CFAP69: variants seen among roughly 807,000 people sequenced by gnomAD.
CFAP69 encodes the protein cilia- and flagella-associated protein 69.
In CFAP69, 92 loss-of-function variants were observed where a neutral mutation model predicts 123.0. The observed-to-expected ratio is 0.75, with a 90% CI of 0.63 to 0.89. The LOEUF is 0.89. CFAP69 is among the 40% of genes least tolerant of loss of function. CFAP69 has a pLI of 0.00. For missense variants in CFAP69, 1,067 were observed against 1,096.9 expected (o/e 0.97, Z 0.39); for synonymous variants, 380 against 364.3 (o/e 1.04, Z -0.49).
downstream of CFAP69, among the ~76,000 whole-genome samples, chr7:90,313,754 A>T (rs941084666): frequency 1.3e-5 from 2 of 152,246 alleles, no homozygotes; most frequent in Non-Finnish European, 2.9e-5. Context: ...AAGCCTCCAT[A>T]CAAAGAATTC....
intron 5 of CFAP69, chr7:90,266,081 A>G (rs1799124736): frequency 6.6e-6 from 1 of 152,144 alleles, no homozygotes; most frequent in Non-Finnish European, 1.5e-5. Flanking sequence ...AAGATACACA[A>G]TTGATCCAGT....
chr7:90,261,911 A>C, intron 3 of CFAP69, 36 bp from the exon 4 acceptor site: 1 of 1,110,820 alleles, frequency 9.0e-7, no homozygotes, highest in Non-Finnish European at 1.3e-6. Flanking sequence ...TAAAGATATT[A>C]ATCTGAATTT....
chr7:90,314,227 G>A (rs1584583911), downstream of CFAP69, among the ~76,000 whole-genome samples: 1 of 152,130 alleles, frequency 6.6e-6, no homozygotes, highest in East Asian at 1.9e-4. Flanking sequence ...AGGAGCTTAG[G>A]GAAAAACTAC....
In CFAP69 at chr7:90,272,354, G is replaced by A. The variant is rs1282098509; in HGVS notation, c.860+396G>A. The A allele has an allele frequency of 2.5e-5, 4 of 159,658 alleles. No homozygotes were observed. The East Asian group carries it at 7.2e-4, about 29-fold the overall frequency. 9.9% of individuals were successfully genotyped at this position (159,658 alleles called of 1,614,324 possible). On this transcript the variant is annotated intron_variant, in intron 8 of 22. Transcript: ENST00000389297. Reference sequence around the variant, plus strand: ...TTCTTCACTTATTCAACAAATAATTGTCTGCTCTATGCCAGCTTCAGTATT... The same window carrying A: ...TTCTTCACTTATTCAACAAATAATTATCTGCTCTATGCCAGCTTCAGTATT...
chr7:90,309,903 C>A (rs1794130156), intron 22 of CFAP69, among the ~76,000 whole-genome samples, 165 bp from the exon 23 acceptor site: 1 of 152,226 alleles, frequency 6.6e-6, no homozygotes. Flanking sequence ...TTCAAACCTA[C>A]TTTTCCTGGC....
chr7:90,268,419 T>A (rs1266811697), intron 6 of CFAP69, 35 bp downstream of exon 6: 1 of 1,418,744 alleles, frequency 7.0e-7, no homozygotes, highest in Non-Finnish European at 9.9e-7. Flanking sequence ...TGATAACTTG[T>A]GTATGTAGAA....
intron 20 of CFAP69, 106 bp downstream of exon 20, chr7:90,307,204 C>A: frequency 2.7e-6 from 2 of 745,152 alleles, no homozygotes; most frequent in Non-Finnish European, 4.6e-6. Context: ...CACAGTAGGA[C>A]AACTATAGTA....
chr7:90,258,045 A>G, intron 2 of CFAP69, 53 bp from the exon 3 acceptor site: 1 of 1,322,218 alleles, frequency 7.6e-7, no homozygotes, highest in Middle Eastern at 2.1e-4. Flanking sequence ...AATTTTTTAA[A>G]ATCTCAACAG....
At chr7:90,308,856 G>C (rs1183739859) in intron 21 of CFAP69, among the ~76,000 whole-genome samples, 1 of 152,110 alleles carries the variant, frequency 6.6e-6, no homozygotes, top group Non-Finnish European at 1.5e-5. Context: ...ATATTATTCT[G>C]AATGCTTAAA....
intron 1 of CFAP69, among the ~76,000 whole-genome samples, chr7:90,250,192 G>GAGAGAT (rs1491069930): frequency 5.8e-4 from 11 of 19,038 alleles, no homozygotes; most frequent in African/African-American, 2.4e-3. Flanking sequence ...AGAGAGGAGA[G>GAGAGAT]AGAGAGAGAG....
intron 8 of CFAP69, among the ~76,000 whole-genome samples, chr7:90,272,623 C>T (rs2116928962): frequency 6.6e-6 from 1 of 152,176 alleles, no homozygotes; most frequent in South Asian, 2.1e-4. Context: ...GCTTATTTAA[C>T]TACAAAGTCA....
intron 12 of CFAP69, among the ~76,000 whole-genome samples, chr7:90,281,767 T>G (rs910336869): frequency 1.3e-5 from 2 of 152,198 alleles, no homozygotes; most frequent in Non-Finnish European, 1.5e-5. Context: ...ATTTAACTAC[T>G]GTAAAACGTA....
intron 2 of CFAP69, among the ~76,000 whole-genome samples, chr7:90,257,748 C>T (rs1430053106): frequency 6.6e-6 from 1 of 151,868 alleles, no homozygotes; most frequent in East Asian, 1.9e-4. Flanking sequence ...ATATATAGAC[C>T]ATATTTTCTT....
intron 15 of CFAP69, 103 bp from the exon 16 acceptor site, chr7:90,297,646 G>T (rs1792191948): frequency 1.4e-6 from 1 of 704,544 alleles, no homozygotes; most frequent in South Asian, 2.0e-5. Context: ...TTAAGAAAAT[G>T]AAGAAAACAT....
chr7:90,289,429 C>T (rs752966862), intron 15 of CFAP69, among the ~76,000 whole-genome samples: 2 of 151,600 alleles, frequency 1.3e-5, no homozygotes, highest in African/African-American at 4.8e-5. Flanking sequence ...ATTTAAATAG[C>T]CTTTTTTTGT....
intron 8 of CFAP69, 89 bp from the exon 9 acceptor site, chr7:90,273,898 G>A (rs1202506379): frequency 2.3e-5 from 23 of 1,004,568 alleles, no homozygotes; most frequent in Non-Finnish European, 3.1e-5. Flanking sequence ...ATCACATTGG[G>A]GGTTAGGATT....
At chr7:90,305,065 G>A (rs755955343) in intron 19 of CFAP69, among the ~76,000 whole-genome samples, 1 of 152,130 alleles carries the variant, frequency 6.6e-6, no homozygotes, top group East Asian at 1.9e-4. Flanking sequence ...GATATAAGCC[G>A]GGCACGGTGG....
chr7:90,304,057 T>A lies in CFAP69; in HGVS notation c.2139T>A (p.Asp713Glu), dbSNP rs775792101. ...ACTGCCCATCTATTGCGGTTATGGATGTTTCTGAGAATATTAGAGCAAAAA... is the reference window on the plus strand; with the variant it reads ...ACTGCCCATCTATTGCGGTTATGGAAGTTTCTGAGAATATTAGAGCAAAAA... Reference protein sequence around the residue: ...PANCPSIAVMDVSENIRAKIY... With the variant: ...PANCPSIAVMEVSENIRAKIY... The change falls in exon 18 of 23, where the codon GAT (aspartate) becomes GAA (glutamate). Residue 713 changes from aspartate to glutamate, a missense_variant. Physicochemically the swap from Asp to Glu is conservative, Grantham distance 45. Coordinates refer to ENST00000389297, the MANE Select transcript of CFAP69 (RefSeq NM_001039706.3). The A allele has an allele frequency of 4.4e-5, 68 of 1,551,076 alleles. 3 individuals carry two copies. In the South Asian group the frequency reaches 7.4e-4, roughly 17 times the overall value.
chr7:90,247,049 T>G (rs917225479), intron 1 of CFAP69, among the ~76,000 whole-genome samples: 14 of 152,220 alleles, frequency 9.2e-5, no homozygotes, highest in African/African-American at 3.4e-4. Flanking sequence ...TTACTAATTC[T>G]AAGAGTAGTA....
Sources: gnomAD v4.1 joint callset for allele counts (sites outside exome capture counted in the v4.1 genomes callset) on GRCh38, gnomAD v4.1.1 for gene constraint, MANE v1.5 for transcripts, NCBI Gene and HGNC (gene_info 2026-07-23, HGNC 2026-07-21) for gene names.